The following CMTR1 variants were observed in gnomAD, a reference collection of about 807,000 sequenced individuals.
CMTR1 encodes the protein cap-specific mRNA (nucleoside-2'-O-)-methyltransferase 1.
Under a neutral mutation model 107.0 loss-of-function variants are expected in CMTR1, and 39 were observed. The ratio of observed to expected loss-of-function variants is 0.36; its 90% CI spans 0.28 to 0.48. CMTR1 has a LOEUF of 0.48. Ranked by LOEUF, CMTR1 falls within the 20% of genes least tolerant of loss-of-function variation. The pLI, the probability that CMTR1 is intolerant of heterozygous loss-of-function variation, is 0.99. For missense variants in CMTR1, 672 were observed against 1,064.9 expected, an observed-to-expected ratio of 0.63 and a Z score of 5.14; for synonymous variants, 366 against 379.5, an observed-to-expected ratio of 0.96 and a Z score of 0.41.
upstream of CMTR1, among the ~76,000 whole-genome samples, chr6:37,429,754 A>G (rs1771338253): frequency 1.3e-5 from 2 of 152,184 alleles, no homozygotes; most frequent in African/African-American, 4.8e-5. Flanking sequence ...CCTGGCCAAT[A>G]TGGTAAAACC....
At chr6:37,435,556 G>A in intron 1 of CMTR1, 68 bp from the exon 2 acceptor site, 1 of 1,521,742 alleles carries the variant, frequency 6.6e-7, no homozygotes, top group Non-Finnish European at 8.8e-7. Context: ...TTTACACTTT[G>A]GAATCCCTGC....
intron 21 of CMTR1, 66 bp downstream of exon 21, chr6:37,477,705 C>A: frequency 1.1e-6 from 1 of 933,538 alleles, no homozygotes; most frequent in Non-Finnish European, 1.7e-6. Context: ...GTCCTGTAGT[C>A]ATCCTCCGTT....
intron 17 of CMTR1, 101 bp from the exon 18 acceptor site, chr6:37,474,423 C>T: frequency 7.4e-7 from 1 of 1,351,590 alleles, no homozygotes. Flanking sequence ...TTCCCAGTCC[C>T]ATCAGTTTGT....
intron 4 of CMTR1, among the ~76,000 whole-genome samples, chr6:37,447,358 C>A (rs375313436): frequency 6.6e-6 from 1 of 152,144 alleles, no homozygotes. Flanking sequence ...GTTCTGGGGC[C>A]GGTCTCGCTG....
intron 15 of CMTR1, 66 bp downstream of exon 15, chr6:37,471,970 T>G: frequency 6.8e-7 from 1 of 1,459,924 alleles, no homozygotes; most frequent in Non-Finnish European, 9.5e-7. Flanking sequence ...TGGGGTTGAC[T>G]CCCAATCCTG....
chr6:37,458,515 C>T lies in CMTR1; in HGVS notation c.778-97C>T. On this transcript the variant is annotated intron_variant, in intron 8 of 23. Coordinates refer to ENST00000373451, the MANE Select transcript of CMTR1 (RefSeq NM_015050.3). The surrounding 1 kb of genome is among the most constrained non-coding windows in gnomAD (Gnocchi z 4.7). ...TGGTGGGAGCTCTGGATTGTACTTGCCGAAAGGCTTATTTTACTCTCCCTG... is the reference window on the plus strand; with the variant it reads ...TGGTGGGAGCTCTGGATTGTACTTGTCGAAAGGCTTATTTTACTCTCCCTG... 1 of 1,194,380 alleles carries T rather than the reference C, an allele frequency of 8.4e-7. No individual in the cohort carries two copies. Among genetic ancestry groups the T allele is most frequent in the Non-Finnish European group, 1.2e-6 (1 of 846,860 alleles). The allele number at this position is 1,194,380 out of a possible 1,614,324, so 74.0% of individuals were successfully genotyped here.
chr6:37,447,302 C>G (rs1429616538), intron 4 of CMTR1, among the ~76,000 whole-genome samples: 1 of 152,134 alleles, frequency 6.6e-6, no homozygotes, highest in East Asian at 1.9e-4. Context: ...TGATAAAAGC[C>G]TAATAAGTCT....
the CMTR1 span, among the ~76,000 whole-genome samples, chr6:37,427,899 G>A: frequency 7.2e-5 from 11 of 151,906 alleles, no homozygotes; most frequent in African/African-American, 2.7e-4. The surrounding 1 kb of genome is among the most constrained non-coding windows in gnomAD (Gnocchi z 4.4). Context: ...GAAATGTTTC[G>A]TGTCACTACT....
intron 18 of CMTR1, 124 bp downstream of exon 18, chr6:37,474,770 G>A: frequency 2.1e-6 from 3 of 1,437,668 alleles, no homozygotes; most frequent in African/African-American, 1.4e-5. Flanking sequence ...CCCAGGGCTG[G>A]GGTAAGGGTT....
chr6:37,460,900 T>C (rs1362532808), intron 10 of CMTR1, among the ~76,000 whole-genome samples: 1 of 152,126 alleles, frequency 6.6e-6, no homozygotes, highest in Non-Finnish European at 1.5e-5. Flanking sequence ...CCTGACTCTG[T>C]CTCCTGCTGG....
At chr6:37,425,713 G>A in the CMTR1 span, among the ~76,000 whole-genome samples, 5 of 152,128 alleles carry the variant, frequency 3.3e-5, no homozygotes. Context: ...CTGCTTTCAA[G>A]ATTCTCTCTT....
chr6:37,477,677 A>G (rs933114287), intron 21 of CMTR1, 38 bp downstream of exon 21: 10 of 1,358,270 alleles, frequency 7.4e-6, no homozygotes, highest in Non-Finnish European at 1.0e-5. Context: ...ATTCAAGAGG[A>G]GGTGGGGGTG....
chr6:37,478,971 C>T (rs866001316), intron 22 of CMTR1, among the ~76,000 whole-genome samples, 176 bp from the exon 23 acceptor site: 4 of 152,186 alleles, frequency 2.6e-5, no homozygotes, highest in African/African-American at 4.8e-5. Context: ...ATCGCGTAGT[C>T]ATTCTCCTGC....
At chr6:37,441,220 ACT>A (rs1562116619) in intron 2 of CMTR1, among the ~76,000 whole-genome samples, 1 of 152,024 alleles carries the variant, frequency 6.6e-6, no homozygotes, top group African/African-American at 2.4e-5. Flanking sequence ...GCATGTGGGC[ACT>A]CTGTTGCAGA....
chr6:37,455,700 C>T (rs1291945454), intron 8 of CMTR1, among the ~76,000 whole-genome samples: 2 of 152,066 alleles, frequency 1.3e-5, no homozygotes, highest in East Asian at 3.9e-4. Context: ...GTGTGCAGTG[C>T]TGCTGTACTC....
At chr6:37,447,295 T>C (rs548081819) in intron 4 of CMTR1, among the ~76,000 whole-genome samples, 65 of 152,322 alleles carry the variant, frequency 4.3e-4, no homozygotes, top group Non-Finnish European at 6.9e-4. Flanking sequence ...CTGCATGTGA[T>C]AAAAGCCTAA....
intron 3 of CMTR1, among the ~76,000 whole-genome samples, chr6:37,445,940 T>C (rs1176301258): frequency 6.6e-6 from 1 of 152,200 alleles, no homozygotes; most frequent in African/African-American, 2.4e-5. Flanking sequence ...AATTATGTTC[T>C]CTTTATCAAG....
At chr6:37,456,523 A>C (rs1167589228) in intron 8 of CMTR1, among the ~76,000 whole-genome samples, 1 of 152,190 alleles carries the variant, frequency 6.6e-6, no homozygotes, top group Non-Finnish European at 1.5e-5. Flanking sequence ...GGCCCACCTC[A>C]CCTAGAAGTG....
rs565634907 is a variant in CMTR1, at chr6:37,441,483, C to A, written c.134-2516C>A. Among the ~76,000 whole-genome samples, 5 of 151,418 alleles carry A rather than the reference C, an allele frequency of 3.3e-5. No homozygotes were observed. In the South Asian group the frequency reaches 8.4e-4, roughly 25 times the overall value. On this transcript the variant is annotated intron_variant, in intron 2 of 23. Coordinates refer to ENST00000373451, the MANE Select transcript of CMTR1 (RefSeq NM_015050.3). ...AGGCTGGAGTGCAATGGCTCGATCT[C>A]GGCTCACCGCAATCTCCACCTCCTG... is the stretch of plus-strand genomic sequence containing the variant.
Sources: gnomAD v4.1 joint callset for allele counts (sites outside exome capture counted in the v4.1 genomes callset) on GRCh38, gnomAD v4.1.1 for gene constraint, Gnocchi (gnomAD v3.1) non-coding constraint, MANE v1.5 for transcripts, NCBI Gene and HGNC (gene_info 2026-07-23, HGNC 2026-07-21) for gene names.